Variants in ALDH7A1 observed in about 807,000 individuals in gnomAD.
ALDH7A1 encodes alpha-aminoadipic semialdehyde dehydrogenase.
A neutral mutation model predicts 79.9 loss-of-function variants in ALDH7A1; 63 were observed. The ratio of observed to expected loss-of-function variants is 0.79; its 90% CI spans 0.64 to 0.97. The LOEUF is 0.97. Among genes scored for constraint, ALDH7A1 ranks in the 50% least tolerant of loss-of-function variants. The pLI is 0.00. For missense variants in ALDH7A1, 627 were observed against 665.2 expected (o/e 0.94, Z 0.63); for synonymous variants, 240 against 231.2 (o/e 1.04, Z -0.34).
At chr5:126,545,189 T>C (rs182933284) in intron 17 of ALDH7A1, among the ~76,000 whole-genome samples, 170 bp from the exon 18 acceptor site, 1 of 152,202 alleles carries the variant, frequency 6.6e-6, no homozygotes, top group Non-Finnish European at 1.5e-5. Flanking sequence ...TGGATCCCGT[T>C]TTATTTAAAA....
intron 11 of ALDH7A1, among the ~76,000 whole-genome samples, chr5:126,558,672 A>T (rs1348244393): frequency 1.3e-5 from 2 of 151,936 alleles, no homozygotes; most frequent in Non-Finnish European, 2.9e-5. Flanking sequence ...TACAAGCATG[A>T]GCCATCATGC....
At chr5:126,573,116 C>CAAA (rs11290126) in intron 7 of ALDH7A1, among the ~76,000 whole-genome samples, 31 of 95,150 alleles carry the variant, frequency 3.3e-4, no homozygotes, top group Non-Finnish European at 4.5e-4. Flanking sequence ...CCATTTAAAG[C>CAAA]AAAAAAAAAA....
chr5:126,578,114 C>A (rs1385594409), intron 5 of ALDH7A1, among the ~76,000 whole-genome samples: 1 of 150,632 alleles, frequency 6.6e-6, no homozygotes, highest in Non-Finnish European at 1.5e-5. Context: ...CATGGTGAAA[C>A]CCTGTCTCTA....
At chr5:126,548,720 C>T (rs1554098031) in intron 16 of ALDH7A1, among the ~76,000 whole-genome samples, 1 of 151,890 alleles carries the variant, frequency 6.6e-6, no homozygotes, top group Non-Finnish European at 1.5e-5. Flanking sequence ...AGCTACTGTG[C>T]CTGGGCACCA....
rs928460381 is a variant in ALDH7A1 at position 126,542,834 on chromosome 5, T to C, written c.*2131A>G. 1.3e-5 allele frequency: 2 copies of C among 152,210 alleles called. No individual in the cohort carries two copies. The highest frequency in any genetic ancestry group is 3.8e-4 in the East Asian group (2 of 5,196). 9.4% of individuals were successfully genotyped at this position (152,210 alleles called of 1,614,324 possible). A position where few individuals can be genotyped will look rare whatever the true frequency, so the allele number is the denominator to read the frequency against. On this transcript the variant is annotated 3_prime_UTR_variant, in exon 18 of 18. Coordinates refer to ENST00000409134, the MANE Select transcript of ALDH7A1 (RefSeq NM_001182.5). ...CCTGGAGGGCCTGCCTCCTCACTGC[T>C]GCAGCCAGGAGCCAGGTCTTCACCC... is the stretch of plus-strand genomic sequence containing the variant.
At chr5:126,558,001 C>T (rs1239113301) in intron 11 of ALDH7A1, among the ~76,000 whole-genome samples, 1 of 151,642 alleles carries the variant, frequency 6.6e-6, no homozygotes, top group Non-Finnish European at 1.5e-5. Context: ...AATGTCATCT[C>T]TACTAAAAAT....
chr5:126,561,337 C>A, intron 9 of ALDH7A1: 1 of 349,472 alleles, frequency 2.9e-6, no homozygotes, highest in Non-Finnish European at 5.2e-6. Flanking sequence ...ACTATTGTAT[C>A]AATATCAAAT....
chr5:126,557,596 A>G (rs1345636520), intron 11 of ALDH7A1, among the ~76,000 whole-genome samples: 1 of 151,894 alleles, frequency 6.6e-6, no homozygotes, highest in Non-Finnish European at 1.5e-5. Flanking sequence ...AAAAAAAAAA[A>G]AGAAAGAAAG....
intron 3 of ALDH7A1, among the ~76,000 whole-genome samples, chr5:126,589,483 T>A (rs1751468615): frequency 6.6e-6 from 1 of 151,864 alleles, no homozygotes; most frequent in Admixed American, 6.6e-5. Flanking sequence ...TTTTTTTAAG[T>A]ATATATGTAT....
At chr5:126,548,293 T>G (rs1010889403) in intron 16 of ALDH7A1, among the ~76,000 whole-genome samples, 1 of 152,026 alleles carries the variant, frequency 6.6e-6, no homozygotes, top group South Asian at 2.1e-4. Context: ...GGAATACAAG[T>G]GTGTGACACC....
intron 9 of ALDH7A1, among the ~76,000 whole-genome samples, chr5:126,566,286 A>C (rs1044814670): frequency 6.6e-6 from 1 of 152,206 alleles, no homozygotes; most frequent in African/African-American, 2.4e-5. Context: ...CGTGCAACAG[A>C]CTTACACTTC....
chr5:126,570,518 C>T (rs1750736203), intron 8 of ALDH7A1: 1 of 409,832 alleles, frequency 2.4e-6, no homozygotes, highest in Admixed American at 3.8e-5. Context: ...CAGGCTGCCC[C>T]CCATTACAGC....
At chr5:126,561,491 T>A (rs1750402087) in intron 9 of ALDH7A1, 1 of 135,160 alleles carries the variant, frequency 7.4e-6, no homozygotes. Context: ...AGAGTGTGTG[T>A]GTGTGTGTGT....
intron 1 of ALDH7A1, chr5:126,593,907 A>G (rs920145984): frequency 5.2e-5 from 14 of 268,732 alleles, no homozygotes. Context: ...CACGGAAATC[A>G]GGATGAAACA....
At position 126,542,073 on chromosome 5, in the gene ALDH7A1, C is replaced by T. The variant is rs892942721; in HGVS notation, c.*2892G>A. ...TCTTCCCCTTGGATAGGAGAGGTTTCGTTTGGTTTTCTTTTAATTTCCTCC... is the reference window on the plus strand; with the variant it reads ...TCTTCCCCTTGGATAGGAGAGGTTTTGTTTGGTTTTCTTTTAATTTCCTCC... On this transcript the variant is annotated 3_prime_UTR_variant, in exon 18 of 18. Coordinates refer to ENST00000409134, the MANE Select transcript of ALDH7A1 (RefSeq NM_001182.5). 2.8e-5 allele frequency: 4 copies of T among 143,640 alleles called. No individual in the cohort carries two copies. The East Asian group carries it at 6.2e-4, about 22-fold the overall frequency. 8.9% of individuals were successfully genotyped at this position (143,640 alleles called of 1,614,324 possible). A position where few individuals can be genotyped will look rare whatever the true frequency, so the allele number is the denominator to read the frequency against.
In ALDH7A1 at chr5:126,555,961, C is replaced by T. The variant is rs765795361; in HGVS notation, c.1063G>A (p.Ala355Thr). The stretch of plus-strand genomic sequence containing the variant: ...CATGGGTTCCCAACTCGGATCTGTG[C>T]ATAGGCCTTTTTAAGTCTGTTTACA... ...EVVNRLKKAY[A>T]QIRVGNPWDP... The change falls in exon 12 of 18, where the codon GCA becomes ACA. Residue 355 changes from alanine to threonine, a missense_variant. Physicochemically the swap from Ala to Thr is moderately conservative, Grantham distance 58 (BLOSUM62 0). Transcript: ENST00000409134. The T allele has an allele frequency of 2.5e-6, 4 of 1,613,448 alleles. No homozygotes were observed. The highest frequency in any genetic ancestry group is 8.5e-7 in the Non-Finnish European group (1 of 1,179,660).
At chr5:126,592,843 C>A in intron 2 of ALDH7A1, 114 bp from the exon 3 acceptor site, 1 of 1,035,410 alleles carries the variant, frequency 9.7e-7, no homozygotes, top group Non-Finnish European at 1.4e-6. Context: ...GGTTCCCTAA[C>A]ATTTATGGCT....
At chr5:126,584,215 AGAG>A (rs1751278509) in intron 3 of ALDH7A1, 5 of 564,680 alleles carry the variant, frequency 8.9e-6, no homozygotes, top group Non-Finnish European at 1.6e-5. Flanking sequence ...TGGAAGGCAC[AGAG>A]GAGAAGAAAA....
At chr5:126,594,938 G>A (rs1279463819) in intron 1 of ALDH7A1, 69 bp downstream of exon 1, 2 of 1,544,176 alleles carry the variant, frequency 1.3e-6, no homozygotes, top group Admixed American at 2.0e-5. Context: ...GGAGTCGGTA[G>A]GTCAGTGCCC....
Sources: gnomAD v4.1 joint callset for allele counts (sites outside exome capture counted in the v4.1 genomes callset) on GRCh38, gnomAD v4.1.1 for gene constraint, MANE v1.5 for transcripts, NCBI Gene and HGNC (gene_info 2026-07-23, HGNC 2026-07-21) for gene names.